DLGAP2: variants seen among roughly 807,000 people sequenced by gnomAD.
DLGAP2 encodes the protein disks large-associated protein 2.
DLGAP2 carries 26 observed loss-of-function variants against 100.3 expected under a neutral mutation model. The ratio of observed to expected loss-of-function variants is 0.26; its 90% CI spans 0.19 to 0.36. The LOEUF (loss-of-function observed/expected upper bound fraction) is 0.36. DLGAP2 is among the 10% of genes least tolerant of loss of function. DLGAP2 has a pLI of 1.00. For missense variants in DLGAP2, 1,858 were observed against 1,453.2 expected (o/e 1.28, Z -4.53); for synonymous variants, 886 against 630.1 (o/e 1.41, Z -6.08).
chr8:1,003,286 G>C (rs916956540), intron 2 of DLGAP2: 1 of 152,150 alleles, frequency 6.6e-6, no homozygotes, highest in Admixed American at 6.5e-5. Flanking sequence ...CCCATCCCCC[G>C]CTATGGCCTC....
chr8:830,469 C>T (rs1203403719), intron 1 of DLGAP2, among the ~76,000 whole-genome samples: 3 of 152,340 alleles, frequency 2.0e-5, no homozygotes, highest in Admixed American at 2.0e-4. Context: ...TTCCCAGCCA[C>T]TGGAGCCATC....
intron 2 of DLGAP2, among the ~76,000 whole-genome samples, chr8:1,183,109 C>T (rs1797426191): frequency 6.6e-6 from 1 of 151,712 alleles, no homozygotes. Context: ...CATTCACGTT[C>T]GATTCCCTCG....
rs750377368 is a variant in DLGAP2 at position 1,505,989 on chromosome 8, TG to T, written c.172+4559del. Among the ~76,000 whole-genome samples the T allele has an allele frequency of 4.6e-5, 7 of 152,368 alleles. No individual in the cohort carries two copies. The East Asian group carries it at 1.2e-3, about 25-fold the overall frequency. The stretch of plus-strand genomic sequence containing the variant: ...AAGTATATTAAGCACATATTATATA[TG>T]CAGCACAACACTGAGAAAATGTACA... On this transcript the variant is annotated intron_variant, in intron 4 of 14. Coordinates refer to ENST00000637795, the MANE Select transcript of DLGAP2 (RefSeq NM_001346810.2).
intron 1 of DLGAP2, among the ~76,000 whole-genome samples, chr8:863,751 G>A (rs1246366352): frequency 6.6e-6 from 1 of 152,196 alleles, no homozygotes; most frequent in African/African-American, 2.4e-5. Flanking sequence ...TGTGGAGGGA[G>A]GGGAACTCTT....
At chr8:1,632,752 G>C (rs1383363340) in intron 7 of DLGAP2, 75 bp from the exon 8 acceptor site, 5 of 1,430,444 alleles carry the variant, frequency 3.5e-6, no homozygotes, top group Non-Finnish European at 4.7e-6. Context: ...GAATGAGCGC[G>C]CTCTCCTGGC....
intron 4 of DLGAP2, among the ~76,000 whole-genome samples, chr8:1,535,525 G>A (rs1241921871): frequency 6.6e-6 from 1 of 152,194 alleles, no homozygotes; most frequent in African/African-American, 2.4e-5. Flanking sequence ...ACGTGTTCAA[G>A]CGGTCAGATG....
intron 2 of DLGAP2, among the ~76,000 whole-genome samples, chr8:1,152,727 G>C (rs1203251973): frequency 6.6e-6 from 1 of 152,174 alleles, no homozygotes; most frequent in Non-Finnish European, 1.5e-5. Flanking sequence ...AAACATGCTT[G>C]CTTAGAATCA....
At chr8:794,317 A>C (rs1795981902) in intron 1 of DLGAP2, among the ~76,000 whole-genome samples, 1 of 152,078 alleles carries the variant, frequency 6.6e-6, no homozygotes, top group Admixed American at 6.5e-5. Flanking sequence ...GTGCTAGAGG[A>C]ATTAAAGACA....
chr8:773,191 A>G (rs1263048578), intron 1 of DLGAP2, among the ~76,000 whole-genome samples: 2 of 152,152 alleles, frequency 1.3e-5, no homozygotes, highest in African/African-American at 2.4e-5. Flanking sequence ...TGGTTTCTGC[A>G]AAGGCCTCTT....
chr8:1,301,689 C>T (rs1051295354), intron 3 of DLGAP2: 9 of 152,144 alleles, frequency 5.9e-5, no homozygotes, highest in Admixed American at 2.0e-4. Context: ...GGAGATGATT[C>T]CAGGTTGGGA....
intron 3 of DLGAP2, among the ~76,000 whole-genome samples, chr8:1,361,329 C>T (rs900063763): frequency 1.3e-5 from 2 of 152,236 alleles, no homozygotes; most frequent in Non-Finnish European, 2.9e-5. Flanking sequence ...AGACTTTTAT[C>T]CCTCCACAGT....
chr8:1,201,672 C>T (rs1011327833), intron 2 of DLGAP2, among the ~76,000 whole-genome samples: 2 of 152,196 alleles, frequency 1.3e-5, no homozygotes, highest in African/African-American at 2.4e-5. Flanking sequence ...TTGTCAGATG[C>T]CTGTGACGTG....
At chr8:1,189,630 C>G (rs568633100) in intron 2 of DLGAP2, among the ~76,000 whole-genome samples, 4 of 152,194 alleles carry the variant, frequency 2.6e-5, no homozygotes, top group African/African-American at 7.2e-5. Flanking sequence ...TAGCAGTTGA[C>G]GTGTGACATC....
chr8:1,506,870 G>A (rs1396971129), intron 4 of DLGAP2, among the ~76,000 whole-genome samples: 1 of 152,114 alleles, frequency 6.6e-6, no homozygotes, highest in African/African-American at 2.4e-5. Context: ...GCATAGATTG[G>A]TGCATTTACA....
chr8:1,252,506 TCAC>T (rs1389352892), intron 2 of DLGAP2, among the ~76,000 whole-genome samples: 6 of 152,192 alleles, frequency 3.9e-5, no homozygotes, highest in Non-Finnish European at 8.8e-5. Flanking sequence ...AGTCACGTCA[TCAC>T]CATGTTACAC....
chr8:1,684,672 G>A (rs1403046351), intron 12 of DLGAP2, among the ~76,000 whole-genome samples: 3 of 152,092 alleles, frequency 2.0e-5, no homozygotes, highest in Non-Finnish European at 4.4e-5. Context: ...AATGCAGGCT[G>A]CCTATTGTTA....
At chr8:1,258,605 AT>A (rs111517773) in intron 2 of DLGAP2, among the ~76,000 whole-genome samples, 1 of 151,830 alleles carries the variant, frequency 6.6e-6, no homozygotes, top group Non-Finnish European at 1.5e-5. Flanking sequence ...ATTAAAAAAA[AT>A]TTTTTTTAAT....
At chr8:1,006,186 C>G (rs1006072320) in intron 2 of DLGAP2, among the ~76,000 whole-genome samples, 1 of 152,142 alleles carries the variant, frequency 6.6e-6, no homozygotes, top group Non-Finnish European at 1.5e-5. Context: ...GAGACACCAT[C>G]TCAAAAAGAA....
At chr8:888,654 TTGC>T (rs1472736972) in intron 1 of DLGAP2, among the ~76,000 whole-genome samples, 1 of 151,902 alleles carries the variant, frequency 6.6e-6, no homozygotes, top group Non-Finnish European at 1.5e-5. Flanking sequence ...GTGCTGCAGT[TTGC>T]TGGGGGTTCA....
Sources: allele counts gnomAD v4.1 joint callset (sites outside exome capture counted in the v4.1 genomes callset), GRCh38; gene constraint gnomAD v4.1.1; transcripts MANE v1.5; gene names NCBI Gene and HGNC (gene_info 2026-07-23, HGNC 2026-07-21).